The following PDE4D variants were observed in gnomAD, a reference collection of about 807,000 sequenced individuals.
PDE4D encodes the protein phosphodiesterase 4D, also known as 3',5'-cyclic-AMP phosphodiesterase 4D.
A neutral mutation model predicts 87.4 loss-of-function variants in PDE4D; 24 were observed. That is an observed-to-expected ratio of 0.27 (90% confidence interval 0.20 to 0.39). The LOEUF is 0.39. PDE4D is among the 10% of genes least tolerant of loss of function. The probability of loss-of-function intolerance (pLI) is 1.00; values close to 1 mark genes in which losing one functional copy is unlikely to be tolerated. For missense variants in PDE4D, 714 were observed against 1,041.0 expected, an observed-to-expected ratio of 0.69 and a Z score of 4.32; for synonymous variants, 384 against 383.2, an observed-to-expected ratio of 1.00 and a Z score of -0.02.
chr5:59,424,034 G>A (rs1794858756), intron 1 of PDE4D, among the ~76,000 whole-genome samples: 2 of 152,030 alleles, frequency 1.3e-5, no homozygotes. Flanking sequence ...GGTGAAGGAG[G>A]AAGAGTGTAC....
chr5:59,904,029 C>T (rs1752560269), intron 3 of PDE4D, among the ~76,000 whole-genome samples: 1 of 152,122 alleles, frequency 6.6e-6, no homozygotes, highest in African/African-American at 2.4e-5. Flanking sequence ...ACAAAATATA[C>T]ATGATAGGAC....
At chr5:59,406,668 G>T (rs1038062266) in intron 1 of PDE4D, among the ~76,000 whole-genome samples, 3 of 152,108 alleles carry the variant, frequency 2.0e-5, no homozygotes, top group Non-Finnish European at 2.9e-5. Flanking sequence ...GATTACAGGT[G>T]TGAGCCATTG....
chr5:60,202,972 C>T (rs1256575348), intron 1 of PDE4D, among the ~76,000 whole-genome samples: 2 of 152,084 alleles, frequency 1.3e-5, no homozygotes, highest in Non-Finnish European at 2.9e-5. Context: ...ATAATAAAAA[C>T]AATGTGAATA....
intron 1 of PDE4D, among the ~76,000 whole-genome samples, chr5:60,197,954 A>C (rs1741460531): frequency 6.6e-6 from 1 of 151,400 alleles, no homozygotes; most frequent in East Asian, 1.9e-4. Flanking sequence ...GTTTGGAGCA[A>C]ATTTCTAACG....
chr5:60,341,613 C>T (rs1758325337), intron 1 of PDE4D, among the ~76,000 whole-genome samples: 1 of 146,520 alleles, frequency 6.8e-6, no homozygotes, highest in African/African-American at 2.5e-5. Context: ...AACACAGCAC[C>T]TTTCATACTT....
At chr5:60,077,535 T>G (rs1473177562) in intron 2 of PDE4D, among the ~76,000 whole-genome samples, 1 of 152,120 alleles carries the variant, frequency 6.6e-6, no homozygotes, top group Non-Finnish European at 1.5e-5. Flanking sequence ...GCAGCCAGGC[T>G]GGGGCCCCTG....
At chr5:59,006,045 C>T (rs1404038862) in intron 6 of PDE4D, among the ~76,000 whole-genome samples, 1 of 152,170 alleles carries the variant, frequency 6.6e-6, no homozygotes, top group Non-Finnish European at 1.5e-5. Context: ...GTGAGACACG[C>T]TTATGTTTGG....
chr5:59,779,821 A>AT (rs966728379), intron 1 of PDE4D, among the ~76,000 whole-genome samples: 10 of 152,098 alleles, frequency 6.6e-5, no homozygotes, highest in African/African-American at 1.7e-4. Flanking sequence ...CATGCCAAGT[A>AT]TTTTTTTTAA....
intron 1 of PDE4D, among the ~76,000 whole-genome samples, chr5:59,718,015 G>T (rs1755274602): frequency 6.6e-6 from 1 of 152,156 alleles, no homozygotes; most frequent in South Asian, 2.1e-4. Flanking sequence ...CTCTGATTCA[G>T]TACTGTTGGT....
At chr5:59,627,196 T>C (rs1460277114) in intron 1 of PDE4D, among the ~76,000 whole-genome samples, 1 of 152,210 alleles carries the variant, frequency 6.6e-6, no homozygotes, top group African/African-American at 2.4e-5. Flanking sequence ...CTTAAGGTCA[T>C]CAATTACCAT....
chr5:60,304,744 G>A (rs1234721194), intron 1 of PDE4D, among the ~76,000 whole-genome samples: 3 of 151,514 alleles, frequency 2.0e-5, no homozygotes, highest in Admixed American at 6.6e-5. Flanking sequence ...TACAGATACC[G>A]TGTATAACTT....
chr5:59,735,929 A>T (rs1478371559), intron 1 of PDE4D, among the ~76,000 whole-genome samples: 3 of 152,100 alleles, frequency 2.0e-5, no homozygotes, highest in Admixed American at 2.0e-4. Flanking sequence ...TCGGCCTCCC[A>T]AAGTTCTAGG....
At chr5:59,971,923 C>A (rs1294101798) in intron 3 of PDE4D, among the ~76,000 whole-genome samples, 1 of 152,094 alleles carries the variant, frequency 6.6e-6, no homozygotes, top group African/African-American at 2.4e-5. Flanking sequence ...TCAGAATAAA[C>A]AGGGAGCTTG....
In PDE4D at chr5:59,824,452, T is replaced by G. The variant is rs189478741; in HGVS notation, c.455+68716A>C. ...GTCTTGTTCACTGCAGCATCCCTTA[T>G]GTTTATAGAAAGACTAGTGCCTGAC... On this transcript the variant is annotated intron_variant, in intron 1 of 14. Coordinates refer to ENST00000340635, the MANE Select transcript of PDE4D (RefSeq NM_001104631.2). Among the ~76,000 whole-genome samples, 145 of 152,308 alleles carry G rather than the reference T, an allele frequency of 9.5e-4. 1 individual carries two copies. The highest frequency in any genetic ancestry group is 3.4e-3 in the African/African-American group (140 of 41,570).
intron 1 of PDE4D, among the ~76,000 whole-genome samples, chr5:59,383,216 T>C (rs1330136009): frequency 6.6e-6 from 1 of 152,170 alleles, no homozygotes; most frequent in East Asian, 1.9e-4. Context: ...GCACGGTCTC[T>C]ACATCCCATA....
chr5:59,420,682 T>G (rs1794326760), intron 1 of PDE4D, among the ~76,000 whole-genome samples: 1 of 120,652 alleles, frequency 8.3e-6, no homozygotes, highest in South Asian at 3.1e-4. Flanking sequence ...ACTGGATTAC[T>G]GCACAAGAAA....
intron 1 of PDE4D, among the ~76,000 whole-genome samples, chr5:60,207,283 G>T (rs192656857): frequency 6.6e-6 from 1 of 152,206 alleles, no homozygotes; most frequent in Non-Finnish European, 1.5e-5. Flanking sequence ...ACCTAAGATG[G>T]TTAAGGGGAA....
rs183662908 is a variant in PDE4D, at chr5:59,128,890, C to T, written c.808+51705G>A. On this transcript the variant is annotated intron_variant, in intron 5 of 14. Coordinates refer to ENST00000340635, the MANE Select transcript of PDE4D (RefSeq NM_001104631.2). ...GCTTACACCTGGTTCAACCCTTCTA[C>T]CTTTAAGTGAGGAAACTGATGCCCA... Among the ~76,000 whole-genome samples, 179 of 152,298 alleles carry T rather than the reference C, an allele frequency of 1.2e-3. 1 individual carries two copies. Among genetic ancestry groups the T allele is most frequent in the Admixed American group, 0.01 (155 of 15,300 alleles).
At chr5:60,425,458 G>A (rs1022999278) in intron 1 of PDE4D, among the ~76,000 whole-genome samples, 1 of 152,184 alleles carries the variant, frequency 6.6e-6, no homozygotes, top group African/African-American at 2.4e-5. Flanking sequence ...AATAAATGGT[G>A]CTGGGAAAAC....
Sources: allele counts gnomAD v4.1 joint callset (sites outside exome capture counted in the v4.1 genomes callset), GRCh38; gene constraint gnomAD v4.1.1; transcripts MANE v1.5; gene names NCBI Gene and HGNC (gene_info 2026-07-23, HGNC 2026-07-21).